The following SRSF3 variants were observed in gnomAD, a reference collection of about 807,000 sequenced individuals.
The protein encoded by SRSF3 is serine and arginine rich splicing factor 3.
For synonymous variants in SRSF3, 87 were observed against 73.6 expected, an observed-to-expected ratio of 1.18 and a Z score of -0.93; for missense variants, 58 against 217.1, an observed-to-expected ratio of 0.27 and a Z score of 4.61.
intron 3 of SRSF3, chr6:36,599,668 T>C: frequency 1.9e-6 from 1 of 529,814 alleles, no homozygotes; most frequent in Admixed American, 2.6e-5. Flanking sequence ...TTCAAAATCT[T>C]GCCCCTTTTG....
chr6:36,596,444 C>T (rs1778628186), intron 1 of SRSF3, among the ~76,000 whole-genome samples: 4 of 151,804 alleles, frequency 2.6e-5, no homozygotes, highest in Non-Finnish European at 5.9e-5. Flanking sequence ...CAGGTTAAGT[C>T]TCTTAACTCA....
Position 36,596,857 on chromosome 6 carries a change from A to G in SRSF3, c.95A>G (p.Tyr32Cys). 1 of 1,614,108 alleles carries G rather than the reference A, an allele frequency of 6.2e-7. No homozygotes were observed. Among genetic ancestry groups the G allele is most frequent in the Non-Finnish European group, 8.5e-7 (1 of 1,180,002 alleles). Residue 32 changes from tyrosine to cysteine, a missense_variant, in exon 2 of 6, where the codon TAC becomes TGC. Tyr to Cys is a radical substitution (Grantham distance 194). Coordinates refer to ENST00000373715, the MANE Select transcript of SRSF3 (RefSeq NM_003017.5). ...NKTELERAFG[Y>C]YGPLRSVWVA... ...ACGGAATTGGAACGGGCTTTTGGCT[A>G]CTATGGACCACTCCGAAGTGTGTGG...
rs1778753069 is a variant in SRSF3 at position 36,603,453 on chromosome 6, A to C, written c.*1464A>C. The C allele has an allele frequency of 8.9e-6, 2 of 223,740 alleles. No homozygotes were observed. Among genetic ancestry groups the C allele is most frequent in the South Asian group, 1.8e-4 (1 of 5,434 alleles). The allele number at this position is 223,740 out of a possible 1,614,324, so 13.9% of individuals were successfully genotyped here. On this transcript the variant is annotated 3_prime_UTR_variant, in exon 6 of 6. Coordinates refer to ENST00000373715, the MANE Select transcript of SRSF3 (RefSeq NM_003017.5). ...CAGTCTTGTGGCTTAGTTTCCTTAA[A>C]TATGCTCTTAAGATAGTTTTGGATT... is the stretch of plus-strand genomic sequence containing the variant.
chr6:36,594,743 A>G (rs1215116067), intron 1 of SRSF3: 1 of 150,428 alleles, frequency 6.6e-6, no homozygotes, highest in African/African-American at 2.4e-5. Context: ...CCGATAGCCG[A>G]GTTGTATTCC....
intron 2 of SRSF3, among the ~76,000 whole-genome samples, chr6:36,597,606 C>G (rs1353021578): frequency 6.6e-6 from 1 of 152,042 alleles, no homozygotes; most frequent in African/African-American, 2.4e-5. Flanking sequence ...TCCATGCCCC[C>G]ACCCCCCTTT....
Position 36,604,450 on chromosome 6 carries a change from A to G in SRSF3, c.*2461A>G, listed in dbSNP as rs1250962758. The G allele has an allele frequency of 5.3e-6, 1 of 187,498 alleles. No homozygotes were observed. Among genetic ancestry groups the G allele is most frequent in the Non-Finnish European group, 1.1e-5 (1 of 88,918 alleles). 11.6% of individuals were successfully genotyped at this position (187,498 alleles called of 1,614,324 possible). A position where few individuals can be genotyped will look rare whatever the true frequency, so the allele number is the denominator to read the frequency against. On this transcript the variant is annotated 3_prime_UTR_variant, in exon 6 of 6. Coordinates refer to ENST00000373715, the MANE Select transcript of SRSF3 (RefSeq NM_003017.5). Reference sequence around the variant, plus strand: ...ATGGCAAGATTCACATTTCTATTAAAAGGAATATTTAGTTTGATCTCTGGT... The same window carrying G: ...ATGGCAAGATTCACATTTCTATTAAGAGGAATATTTAGTTTGATCTCTGGT...
At chr6:36,601,490 G>A (rs1003885581) in intron 4 of SRSF3, 2 of 575,626 alleles carry the variant, frequency 3.5e-6, no homozygotes, top group East Asian at 5.5e-5. Context: ...TTGGACTACA[G>A]GCAAGTACTG....
chr6:36,603,209 G>A lies in SRSF3; in HGVS notation c.*1220G>A, dbSNP rs1778748946. ...CATTAACAAATGGCTTTTATCTTTA[G>A]CATGAAAACTTTCCACAGGTCTAAA... On this transcript the variant is annotated 3_prime_UTR_variant, in exon 6 of 6. Transcript: ENST00000373715. 1 of 223,796 alleles carries A rather than the reference G, an allele frequency of 4.5e-6. No individual in the cohort carries two copies. The highest frequency in any genetic ancestry group is 2.2e-5 in the African/African-American group (1 of 44,772). The allele number at this position is 223,796 out of a possible 1,614,324, so 13.9% of individuals were successfully genotyped here.
At chr6:36,600,269 C>T (rs1035549379) in intron 3 of SRSF3, 1 of 1,040,824 alleles carries the variant, frequency 9.6e-7, no homozygotes, top group Non-Finnish European at 1.2e-6. Flanking sequence ...TGTTGAAACC[C>T]AAAACTAGTA....
At chr6:36,601,639 A>G (rs1247277298) in intron 4 of SRSF3, 69 bp from the exon 5 acceptor site, 23 of 1,416,214 alleles carry the variant, frequency 1.6e-5, no homozygotes, top group East Asian at 4.6e-5. Flanking sequence ...TCACCATGCC[A>G]GATCAAGAAA....
rs897758438 is a variant in SRSF3, at chr6:36,603,513, G to A, written c.*1524G>A. On this transcript the variant is annotated 3_prime_UTR_variant, in exon 6 of 6. Coordinates refer to ENST00000373715, the MANE Select transcript of SRSF3 (RefSeq NM_003017.5). ...TGACTGTCTTAAATATGAAAGATAA[G>A]TCATTGCATTAAGAGTTCAAGCTAA... is the stretch of plus-strand genomic sequence containing the variant. The A allele has an allele frequency of 4.4e-6, 1 of 225,740 alleles. No homozygotes were observed. Among genetic ancestry groups the A allele is most frequent in the African/African-American group, 2.2e-5 (1 of 44,956 alleles). 14.0% of individuals were successfully genotyped at this position (225,740 alleles called of 1,614,324 possible).
chr6:36,602,345 T>A lies in SRSF3; in HGVS notation c.*356T>A, dbSNP rs566256837. 2.5e-5 allele frequency: 7 copies of A among 274,748 alleles called. No homozygotes were observed. Among genetic ancestry groups the A allele is most frequent in the African/African-American group, 1.3e-4 (6 of 46,524 alleles). 17.0% of individuals were successfully genotyped at this position (274,748 alleles called of 1,614,324 possible). ...AAATACAGAAACAACTGGCAAAAATTGAACTAAGATTTACTTTTTTTTCCA... is the reference window on the plus strand; with the variant it reads ...AAATACAGAAACAACTGGCAAAAATAGAACTAAGATTTACTTTTTTTTCCA... On this transcript the variant is annotated 3_prime_UTR_variant, in exon 6 of 6. Transcript: ENST00000373715.
At chr6:36,601,007 T>TG in intron 3 of SRSF3, 145 bp from the exon 4 acceptor site, 2 of 279,916 alleles carry the variant, frequency 7.1e-6, no homozygotes, top group Non-Finnish European at 6.0e-6. Flanking sequence ...TTTTCTTTTT[T>TG]TTTTTTTTTT....
intron 2 of SRSF3, among the ~76,000 whole-genome samples, chr6:36,597,662 T>A (rs954717558): frequency 6.6e-6 from 1 of 152,062 alleles, no homozygotes; most frequent in African/African-American, 2.4e-5. Flanking sequence ...GAGTGTTCAC[T>A]GTAAAGCTGC....
rs897427785 is a variant in SRSF3, at chr6:36,602,411, C to A, written c.*422C>A. 8.6e-5 allele frequency: 20 copies of A among 233,736 alleles called. No homozygotes were observed. In the Admixed American group the frequency reaches 9.6e-4, roughly 11 times the overall value. 14.5% of individuals were successfully genotyped at this position (233,736 alleles called of 1,614,324 possible). ...CTGCAGCTATAGTTGAACAAGCAGT[C>A]TTTAAAAACTGCTGTGAAACACAGG... On this transcript the variant is annotated 3_prime_UTR_variant, in exon 6 of 6. Coordinates refer to ENST00000373715, the MANE Select transcript of SRSF3 (RefSeq NM_003017.5).
intron 5 of SRSF3, 28 bp from the exon 6 acceptor site, chr6:36,601,934 T>G: frequency 6.3e-7 from 1 of 1,576,186 alleles, no homozygotes; most frequent in Non-Finnish European, 8.6e-7. Flanking sequence ...TGTAATGTTT[T>G]GTTTTCTTTT....
At chr6:36,599,720 A>G (rs1778687410) in intron 3 of SRSF3, 3 of 910,632 alleles carry the variant, frequency 3.3e-6, no homozygotes, top group Non-Finnish European at 4.7e-6. Flanking sequence ...CATCATAATA[A>G]AGAGTATTTG....
intron 1 of SRSF3, among the ~76,000 whole-genome samples, 187 bp from the exon 2 acceptor site, chr6:36,596,574 C>CGGGGGGGGGGGGGGGGGGGGG (rs34650091): frequency 1.1e-5 from 1 of 91,960 alleles, no homozygotes; most frequent in Non-Finnish European, 2.1e-5. Flanking sequence ...GGCGGGGTGG[C>CGGGGGGGGGGGGGGGGGGGGG]GGGGGGGGGG....
At chr6:36,599,843 A>T in intron 3 of SRSF3, 1 of 1,352,092 alleles carries the variant, frequency 7.4e-7, no homozygotes, top group Non-Finnish European at 9.8e-7. Context: ...GTCTCTTCTC[A>T]CCACCCTCTG....
Sources: gnomAD v4.1 joint callset for allele counts (sites outside exome capture counted in the v4.1 genomes callset) on GRCh38, gnomAD v4.1.1 for gene constraint, MANE v1.5 for transcripts, NCBI Gene and HGNC (gene_info 2026-07-23, HGNC 2026-07-21) for gene names.